Variants in RBFOX1 observed in about 807,000 individuals in gnomAD.
The protein encoded by RBFOX1 is RNA binding fox-1 homolog 1.
In RBFOX1, 8 loss-of-function variants were observed where a neutral mutation model predicts 57.7. That is an observed-to-expected ratio of 0.14 (90% confidence interval 0.08 to 0.25). The LOEUF is 0.25. Ranked by LOEUF, RBFOX1 falls within the 10% of genes least tolerant of loss-of-function variation. The pLI is 1.00. For synonymous variants in RBFOX1, 326 were observed against 222.4 expected (o/e 1.47, Z -4.15); for missense variants, 611 against 548.5 (o/e 1.11, Z -1.14).
At chr16:7,593,008 T>C (rs1414142117) in intron 7 of RBFOX1, among the ~76,000 whole-genome samples, 2 of 144,252 alleles carry the variant, frequency 1.4e-5, no homozygotes, top group Non-Finnish European at 3.0e-5. Flanking sequence ...AGAGGTGAGG[T>C]TTTGCCATGT....
rs1161474639 is a variant in RBFOX1, at chr16:6,866,539, C to CTTTTTTTTTTTT, written c.-15-185517_-15-185516insTTTTTTTTTTTT. 1.4e-3 allele frequency among the ~76,000 whole-genome samples: 69 copies of CTTTTTTTTTTTT among 48,918 alleles called. 2 individuals carry two copies. The highest frequency in any genetic ancestry group is 1.8e-3 in the Non-Finnish European group (48 of 27,334). 32.1% of individuals were successfully genotyped at this position (48,918 alleles called of 152,430 possible). On this transcript the variant is annotated intron_variant, in intron 3 of 15. Transcript: ENST00000550418. ...AATAAGGTTAGGGCTTTCTTTCCTT[C>CTTTTTTTTTTTT]TATTTTTTTTTTTTTTTTTTGAGTT...
At chr16:7,451,970 A>G (rs1262706419) in intron 4 of RBFOX1, among the ~76,000 whole-genome samples, 1 of 152,184 alleles carries the variant, frequency 6.6e-6, no homozygotes, top group Non-Finnish European at 1.5e-5. Context: ...TGGAAAGAGA[A>G]AGGAACAGAG....
chr16:7,273,324 C>G (rs9930798), intron 4 of RBFOX1, among the ~76,000 whole-genome samples: 57,760 of 150,086 alleles, frequency 0.38, 12,727 homozygotes, highest in African/African-American at 0.6. Flanking sequence ...AAACAGCACT[C>G]TCTGCTGTGT....
intron 1 of RBFOX1, among the ~76,000 whole-genome samples, chr16:6,271,531 G>C (rs2075218997): frequency 6.6e-6 from 1 of 152,256 alleles, no homozygotes; most frequent in South Asian, 2.1e-4. Context: ...GAAGAAGCTG[G>C]CTTTTTGAAC....
intron 4 of RBFOX1, among the ~76,000 whole-genome samples, chr16:5,998,927 A>T (rs1268979208): frequency 6.6e-6 from 1 of 152,170 alleles, no homozygotes; most frequent in Admixed American, 6.6e-5. Flanking sequence ...TCTATGGAAC[A>T]TCTCCCTATG....
At chr16:5,245,385 G>A (rs1446951137) in intron 1 of RBFOX1, among the ~76,000 whole-genome samples, 2 of 152,204 alleles carry the variant, frequency 1.3e-5, no homozygotes, top group Non-Finnish European at 2.9e-5. Context: ...TGGGTCTGGG[G>A]CTAGGAAGGC....
chr16:7,293,181 GT>G (rs1299563137), intron 4 of RBFOX1, among the ~76,000 whole-genome samples: 1 of 152,164 alleles, frequency 6.6e-6, no homozygotes, highest in Admixed American at 6.5e-5. Context: ...AAGAAATTGT[GT>G]CTGTGCTAAA....
intron 3 of RBFOX1, among the ~76,000 whole-genome samples, chr16:5,735,424 C>T (rs780797759): frequency 1.1e-4 from 16 of 152,314 alleles, no homozygotes; most frequent in South Asian, 4.1e-4. Flanking sequence ...TTGGCATTAG[C>T]GATACAACTT....
intron 4 of RBFOX1, among the ~76,000 whole-genome samples, chr16:7,269,256 C>T (rs914054196): frequency 6.6e-6 from 1 of 152,074 alleles, no homozygotes; most frequent in African/African-American, 2.4e-5. Context: ...TAGACATAGA[C>T]ACATACACAC....
intron 2 of RBFOX1, among the ~76,000 whole-genome samples, chr16:5,512,980 A>G (rs113143511): frequency 6.6e-6 from 1 of 152,318 alleles, no homozygotes; most frequent in South Asian, 2.1e-4. Flanking sequence ...CAATGGCGCC[A>G]TCACAGCTCA....
intron 2 of RBFOX1, among the ~76,000 whole-genome samples, chr16:6,517,086 G>C (rs1471818542): frequency 6.6e-6 from 1 of 152,132 alleles, no homozygotes; most frequent in Non-Finnish European, 1.5e-5. Flanking sequence ...GCATGTCCAA[G>C]GTTGTGACAC....
At chr16:5,678,954 C>T (rs920998587) in intron 3 of RBFOX1, among the ~76,000 whole-genome samples, 6 of 152,138 alleles carry the variant, frequency 3.9e-5, no homozygotes, top group Admixed American at 2.6e-4. Context: ...GTAGGTACCT[C>T]AGTGATTGGG....
chr16:5,956,441 A>C (rs1407522818), intron 4 of RBFOX1, among the ~76,000 whole-genome samples: 1 of 151,572 alleles, frequency 6.6e-6, no homozygotes, highest in Non-Finnish European at 1.5e-5. Flanking sequence ...TGGCAACTCT[A>C]GATGTGGGGA....
chr16:5,905,926 GT>G (rs1450603045), intron 4 of RBFOX1, among the ~76,000 whole-genome samples: 2 of 152,160 alleles, frequency 1.3e-5, no homozygotes, highest in East Asian at 1.9e-4. Context: ...GGATAAGAAG[GT>G]TTTCAGCTCT....
intron 2 of RBFOX1, among the ~76,000 whole-genome samples, chr16:5,547,663 C>T (rs1051732779): frequency 3.3e-5 from 5 of 152,188 alleles, no homozygotes; most frequent in South Asian, 2.1e-4. Context: ...ATTAACGGTG[C>T]CTTGAGTGAA....
intron 4 of RBFOX1, among the ~76,000 whole-genome samples, chr16:7,210,075 A>T (rs4477724): frequency 6.6e-6 from 1 of 152,224 alleles, no homozygotes. Flanking sequence ...AGAAAATCCA[A>T]TGAAGTGCAT....
At chr16:6,689,095 C>G (rs1309803043) in intron 3 of RBFOX1, among the ~76,000 whole-genome samples, 1 of 152,164 alleles carries the variant, frequency 6.6e-6, no homozygotes, top group Non-Finnish European at 1.5e-5. Context: ...CTGCAATAAA[C>G]ATACATGTGC....
intron 1 of RBFOX1, among the ~76,000 whole-genome samples, chr16:6,228,537 T>C (rs1388826659): frequency 1.3e-5 from 2 of 152,072 alleles, no homozygotes; most frequent in Non-Finnish European, 2.9e-5. Flanking sequence ...TGGAGGACAT[T>C]ATGCTAACTG....
At chr16:5,867,734 C>T (rs1026636464) in intron 4 of RBFOX1, among the ~76,000 whole-genome samples, 1 of 151,928 alleles carries the variant, frequency 6.6e-6, no homozygotes, top group African/African-American at 2.4e-5. Context: ...ATTTTTGGGA[C>T]AGAGTCTCAC....
Sources: gnomAD v4.1 joint callset for allele counts (sites outside exome capture counted in the v4.1 genomes callset) on GRCh38, gnomAD v4.1.1 for gene constraint, MANE v1.5 for transcripts, NCBI Gene and HGNC (gene_info 2026-07-23, HGNC 2026-07-21) for gene names.